PIEZO2: variants seen among roughly 807,000 people sequenced by gnomAD.
PIEZO2 encodes piezo type mechanosensitive ion channel component 2.
PIEZO2 carries 172 observed loss-of-function variants against 337.3 expected under a neutral mutation model. The observed-to-expected ratio is 0.51, with a 90% CI of 0.45 to 0.58. The LOEUF (loss-of-function observed/expected upper bound fraction) is 0.58. Ranked by LOEUF, PIEZO2 falls within the 20% of genes least tolerant of loss-of-function variation. The pLI is 0.00. For missense variants in PIEZO2, 3,028 were observed against 3,391.3 expected (o/e 0.89, Z 2.66); for synonymous variants, 1,251 against 1,228.5 (o/e 1.02, Z -0.38).
At chr18:10,725,024 G>T in intron 36 of PIEZO2, 1 of 1,585,342 alleles carries the variant, frequency 6.3e-7, no homozygotes, top group Non-Finnish European at 8.7e-7. Context: ...GCCAGCAAGA[G>T]CCCCTGCATG....
chr18:10,797,112 A>G (rs560479943), intron 12 of PIEZO2, among the ~76,000 whole-genome samples: 1 of 152,140 alleles, frequency 6.6e-6, no homozygotes, highest in Admixed American at 6.5e-5. Flanking sequence ...ATGTACCATC[A>G]TATTATACAT....
chr18:11,106,483 T>C (rs1245294014), intron 1 of PIEZO2, among the ~76,000 whole-genome samples: 1 of 145,614 alleles, frequency 6.9e-6, no homozygotes, highest in Non-Finnish European at 1.5e-5. Flanking sequence ...TCATAGCTCA[T>C]TGTAACCGTG....
intron 4 of PIEZO2, among the ~76,000 whole-genome samples, chr18:10,892,002 A>C (rs929185661): frequency 6.6e-6 from 1 of 152,204 alleles, no homozygotes; most frequent in Non-Finnish European, 1.5e-5. Context: ...CATTTAGGGT[A>C]ATGCAGGATT....
At chr18:10,701,874 A>T in intron 43 of PIEZO2, 115 bp downstream of exon 43, 2 of 803,208 alleles carry the variant, frequency 2.5e-6, no homozygotes, top group Non-Finnish European at 3.6e-6. Context: ...GATACCACTC[A>T]CTGGCCCCTC....
intron 2 of PIEZO2, among the ~76,000 whole-genome samples, chr18:10,997,839 G>C (rs1205581802): frequency 7.9e-6 from 1 of 126,724 alleles, no homozygotes; most frequent in East Asian, 2.1e-4. Flanking sequence ...AGAAAGATTG[G>C]TTCAGAAAAA....
chr18:11,135,489 G>T (rs1171206348), intron 1 of PIEZO2, among the ~76,000 whole-genome samples: 2 of 152,182 alleles, frequency 1.3e-5, no homozygotes, highest in Non-Finnish European at 2.9e-5. Flanking sequence ...TAAAGAAAAT[G>T]CATTATATGC....
At chr18:10,681,853 T>C (rs963580639) in intron 50 of PIEZO2, 100 bp from the exon 51 acceptor site, 124 of 1,057,454 alleles carry the variant, frequency 1.2e-4, no homozygotes, top group Non-Finnish European at 1.6e-4. Flanking sequence ...CCCATTTATG[T>C]AGGCTATGTT....
intron 3 of PIEZO2, among the ~76,000 whole-genome samples, chr18:10,919,535 G>A (rs555934578): frequency 2.0e-5 from 3 of 152,226 alleles, no homozygotes; most frequent in East Asian, 3.9e-4. Flanking sequence ...CAGTCAGGCT[G>A]AAAAGACCCT....
At chr18:11,063,688 G>A (rs1315859251) in intron 2 of PIEZO2, among the ~76,000 whole-genome samples, 1 of 152,206 alleles carries the variant, frequency 6.6e-6, no homozygotes, top group African/African-American at 2.4e-5. Flanking sequence ...GGCCTAACAG[G>A]CTCCTAAGGC....
At chr18:10,913,172 T>C (rs1219754479) in intron 3 of PIEZO2, among the ~76,000 whole-genome samples, 2 of 152,240 alleles carry the variant, frequency 1.3e-5, no homozygotes, top group Non-Finnish European at 2.9e-5. Context: ...AACAGTGTGA[T>C]ATTTTGATAC....
chr18:11,004,456 G>A lies in PIEZO2; in HGVS notation c.161-24796C>T, dbSNP rs2035652029. 3.9e-5 allele frequency among the ~76,000 whole-genome samples: 6 copies of A among 152,210 alleles called. No homozygotes were observed. In the South Asian group the frequency reaches 1.2e-3, roughly 32 times the overall value. ...CATCTATCTCAGGGAGTAGCCATGT[G>A]GGAAGAAAAGGTATGAGTAATTTGT... On this transcript the variant is annotated intron_variant, in intron 2 of 55. Coordinates refer to ENST00000674853, the MANE Select transcript of PIEZO2 (RefSeq NM_001378183.1).
chr18:11,018,814 A>G (rs1362139622), intron 2 of PIEZO2, among the ~76,000 whole-genome samples: 1 of 152,192 alleles, frequency 6.6e-6, no homozygotes, highest in Non-Finnish European at 1.5e-5. Context: ...TCATACCCAC[A>G]TATCTTTTTG....
chr18:10,709,291 G>A (rs568408575), intron 39 of PIEZO2: 1 of 152,374 alleles, frequency 6.6e-6, no homozygotes, highest in South Asian at 2.1e-4. Context: ...CCAGGCCTAG[G>A]ATGCTGCTGG....
At chr18:11,046,555 C>T (rs7242917) in intron 2 of PIEZO2, among the ~76,000 whole-genome samples, 3 of 152,238 alleles carry the variant, frequency 2.0e-5, no homozygotes, top group East Asian at 1.9e-4. Context: ...AGAGAGTGCA[C>T]GCGTCCACAC....
intron 2 of PIEZO2, among the ~76,000 whole-genome samples, chr18:11,037,030 A>G (rs1268088215): frequency 1.3e-5 from 2 of 152,022 alleles, no homozygotes; most frequent in Non-Finnish European, 2.9e-5. Context: ...CAATGGCACG[A>G]TCTCGGCTCA....
At position 11,048,618 on chromosome 18, in the gene PIEZO2, AAC is replaced by A. The variant is rs1187535313; in HGVS notation, c.160+17507_160+17508del. Among the ~76,000 whole-genome samples the A allele has an allele frequency of 1.3e-5, 2 of 152,232 alleles. No homozygotes were observed. The highest frequency in any genetic ancestry group is 2.9e-5 in the Non-Finnish European group (2 of 68,028). On this transcript the variant is annotated intron_variant, in intron 2 of 55. Coordinates refer to ENST00000674853, the MANE Select transcript of PIEZO2 (RefSeq NM_001378183.1). The surrounding 1 kb of genome is among the most constrained non-coding windows in gnomAD (Gnocchi z 4.5). ...GAATGAGGGAAATGCTTATATAGAT[AAC>A]TGAATTATTTATATTAGAAGCTTTC...
At chr18:11,054,411 C>T (rs1444917949) in intron 2 of PIEZO2, among the ~76,000 whole-genome samples, 1 of 152,172 alleles carries the variant, frequency 6.6e-6, no homozygotes, top group East Asian at 1.9e-4. Context: ...GACATAAGCA[C>T]AGGACTAGAG....
chr18:11,063,255 G>T (rs1275617285), intron 2 of PIEZO2, among the ~76,000 whole-genome samples: 1 of 140,712 alleles, frequency 7.1e-6, no homozygotes, highest in Admixed American at 7.5e-5. Flanking sequence ...CATAGGAAGG[G>T]GAACATCACA....
chr18:11,036,512 T>C (rs1345641088), intron 2 of PIEZO2, among the ~76,000 whole-genome samples: 1 of 152,118 alleles, frequency 6.6e-6, no homozygotes, highest in Non-Finnish European at 1.5e-5. Context: ...CTCTGTGTTA[T>C]GCTGCATATA....
Sources: allele counts gnomAD v4.1 joint callset (sites outside exome capture counted in the v4.1 genomes callset), GRCh38; gene constraint gnomAD v4.1.1; non-coding constraint Gnocchi (gnomAD v3.1); transcripts MANE v1.5; gene names NCBI Gene and HGNC (gene_info 2026-07-23, HGNC 2026-07-21).